TET3: variants seen among roughly 807,000 people sequenced by gnomAD.
TET3 encodes the protein tet methylcytosine dioxygenase 3.
In TET3, 19 loss-of-function variants were observed where a neutral mutation model predicts 141.4. The observed-to-expected ratio is 0.13, with a 90% CI of 0.09 to 0.20. The LOEUF (loss-of-function observed/expected upper bound fraction) is 0.20. TET3 is among the 10% of genes least tolerant of loss of function. The pLI is 1.00. For missense variants in TET3, 1,874 were observed against 2,356.9 expected, an observed-to-expected ratio of 0.80 and a Z score of 4.24; for synonymous variants, 1,043 against 980.9, an observed-to-expected ratio of 1.06 and a Z score of -1.18.
At chr2:74,088,133 G>C (rs1037688549) in intron 7 of TET3, 95 bp downstream of exon 7, 7 of 1,288,930 alleles carry the variant, frequency 5.4e-6, no homozygotes, top group East Asian at 5.1e-5. Context: ...AGGCTCCTAG[G>C]GGCCCTCTCT....
intron 6 of TET3, among the ~76,000 whole-genome samples, chr2:74,084,082 C>A (rs552763996): frequency 6.6e-6 from 1 of 152,166 alleles, no homozygotes; most frequent in South Asian, 2.1e-4. Context: ...AGCCAAAATA[C>A]ACATATCAAA....
downstream of TET3, among the ~76,000 whole-genome samples, chr2:74,111,652 C>A (rs1691709508): frequency 6.6e-6 from 1 of 152,202 alleles, no homozygotes; most frequent in South Asian, 2.1e-4. Flanking sequence ...GTATAGCCCT[C>A]TAAAGCTGGG....
intron 3 of TET3, among the ~76,000 whole-genome samples, chr2:74,012,489 G>C (rs1427062614): frequency 6.6e-6 from 1 of 152,230 alleles, no homozygotes; most frequent in Non-Finnish European, 1.5e-5. Context: ...GGACAGCTCC[G>C]AGGCAGGTGG....
chr2:74,085,433 A>G (rs774803446), intron 6 of TET3, among the ~76,000 whole-genome samples: 1 of 152,164 alleles, frequency 6.6e-6, no homozygotes, highest in African/African-American at 2.4e-5. Flanking sequence ...TCCCAGCACG[A>G]TCCACTCGTG....
At chr2:74,063,086 G>A (rs756903839) in intron 4 of TET3, among the ~76,000 whole-genome samples, 5 of 151,928 alleles carry the variant, frequency 3.3e-5, no homozygotes, top group Non-Finnish European at 7.4e-5. Context: ...GTTTCACCAT[G>A]TTGACCAGGC....
chr2:74,088,782 A>C (rs1337879029), intron 7 of TET3, among the ~76,000 whole-genome samples: 10 of 152,004 alleles, frequency 6.6e-5, no homozygotes, highest in Non-Finnish European at 1.5e-4. Flanking sequence ...CACCACCACA[A>C]TTAAGATATG....
At chr2:74,004,152 T>C (rs1685023931) in intron 3 of TET3, among the ~76,000 whole-genome samples, 1 of 152,086 alleles carries the variant, frequency 6.6e-6, no homozygotes, top group Non-Finnish European at 1.5e-5. Context: ...GGGTCAGGGC[T>C]CATGGAACTC....
At chr2:74,130,280 C>T in the TET3 span, among the ~76,000 whole-genome samples, 1 of 152,164 alleles carries the variant, frequency 6.6e-6, no homozygotes, top group Non-Finnish European at 1.5e-5. Context: ...TACACAAATG[C>T]TCTTTTAAGT....
chr2:74,086,482 A>C (rs529058877), intron 6 of TET3, among the ~76,000 whole-genome samples: 2 of 152,288 alleles, frequency 1.3e-5, no homozygotes, highest in South Asian at 4.1e-4. Flanking sequence ...ACATTTTTAA[A>C]ATTGTGGTAA....
intron 2 of TET3, among the ~76,000 whole-genome samples, chr2:73,999,504 CTG>C (rs1032372147): frequency 6.6e-6 from 1 of 152,130 alleles, no homozygotes; most frequent in Non-Finnish European, 1.5e-5. Flanking sequence ...CTTTGAATAT[CTG>C]TGTGGAATCT....
intron 3 of TET3, among the ~76,000 whole-genome samples, chr2:74,028,607 T>C (rs1686507208): frequency 6.6e-6 from 1 of 152,188 alleles, no homozygotes; most frequent in African/African-American, 2.4e-5. Flanking sequence ...TTTGTAGATG[T>C]TTATAGTAGA....
intron 3 of TET3, among the ~76,000 whole-genome samples, chr2:74,003,545 G>T (rs1219584362): frequency 2.1e-5 from 3 of 144,456 alleles, no homozygotes; most frequent in African/African-American, 7.7e-5. Context: ...TCCCGGGGGG[G>T]ACGGTGTGCG....
chr2:74,101,955 C>T lies in TET3; in HGVS notation c.5167C>T (p.Arg1723Trp), dbSNP rs774264827. 5 of 1,610,326 alleles carry T rather than the reference C, an allele frequency of 3.1e-6. No individual in the cohort carries two copies. The highest frequency in any genetic ancestry group is 2.5e-6 in the Non-Finnish European group (3 of 1,177,690). The part of the protein sequence containing the change: ...MKQLAERARA[R>W]QEEAARLGLG... Reference sequence around the variant, plus strand: ...GCAGCTGGCGGAGAGGGCACGGGCACGGCAGGAGGAGGCTGCCCGGCTGGG... The same window carrying T: ...GCAGCTGGCGGAGAGGGCACGGGCATGGCAGGAGGAGGCTGCCCGGCTGGG... Residue 1723 changes from arginine to tryptophan, a missense_variant, in exon 12 of 12, where the codon CGG becomes TGG. By Grantham distance (101) the Arg-to-Trp change is moderately radical (BLOSUM62 -3). Transcript: ENST00000409262. The surrounding 1 kb of genome is among the most constrained non-coding windows in gnomAD (Gnocchi z 8.5).
intron 4 of TET3, among the ~76,000 whole-genome samples, chr2:74,050,993 G>GAC (rs1687914007): frequency 6.6e-6 from 1 of 152,206 alleles, no homozygotes; most frequent in African/African-American, 2.4e-5. Context: ...CTGTAGCACA[G>GAC]ACTTAGTTGT....
chr2:74,041,880 C>T (rs1459514846), intron 3 of TET3, among the ~76,000 whole-genome samples: 1 of 152,156 alleles, frequency 6.6e-6, no homozygotes, highest in East Asian at 1.9e-4. Context: ...GGCTTGGGGC[C>T]TAAGTATGAG....
intron 3 of TET3, among the ~76,000 whole-genome samples, chr2:74,017,370 C>G (rs1037357386): frequency 6.6e-6 from 1 of 152,182 alleles, no homozygotes; most frequent in African/African-American, 2.4e-5. Context: ...ATGTGTTAAC[C>G]AACCTTTGGG....
At chr2:74,069,188 T>C (rs1470411226) in intron 4 of TET3, among the ~76,000 whole-genome samples, 1 of 151,680 alleles carries the variant, frequency 6.6e-6, no homozygotes, top group Non-Finnish European at 1.5e-5. Context: ...GGAATGGATT[T>C]GGGGGATAAG....
chr2:74,085,113 G>T (rs956952541), intron 6 of TET3, among the ~76,000 whole-genome samples: 2 of 149,372 alleles, frequency 1.3e-5, no homozygotes, highest in Non-Finnish European at 3.0e-5. Flanking sequence ...ACTTTGAAAT[G>T]ATTAAAATGG....
At chr2:74,023,326 T>C (rs2105255691) in intron 3 of TET3, among the ~76,000 whole-genome samples, 1 of 152,238 alleles carries the variant, frequency 6.6e-6, no homozygotes, top group African/African-American at 2.4e-5. Context: ...CACTGCAGCC[T>C]CCACCTCCTG....
Sources: allele counts gnomAD v4.1 joint callset (sites outside exome capture counted in the v4.1 genomes callset), GRCh38; gene constraint gnomAD v4.1.1; non-coding constraint Gnocchi (gnomAD v3.1); transcripts MANE v1.5; gene names NCBI Gene and HGNC (gene_info 2026-07-23, HGNC 2026-07-21).